THSD1: variants seen among roughly 807,000 people sequenced by gnomAD.
THSD1 encodes the protein thrombospondin type-1 domain-containing protein 1.
In THSD1, 34 loss-of-function variants were observed where a neutral mutation model predicts 46.3. The observed-to-expected ratio is 0.74, with a 90% CI of 0.56 to 0.98. The LOEUF (loss-of-function observed/expected upper bound fraction) is 0.98. Among genes scored for constraint, THSD1 ranks in the 50% least tolerant of loss-of-function variants. THSD1 has a pLI of 0.00. For synonymous variants in THSD1, 407 were observed against 416.5 expected, an observed-to-expected ratio of 0.98 and a Z score of 0.28; for missense variants, 1,023 against 1,058.3, an observed-to-expected ratio of 0.97 and a Z score of 0.46.
In THSD1 at chr13:52,383,932, G is replaced by A. The variant is rs776149146; in HGVS notation, c.1180+2096C>T. ...AGAATTAAGATGCCGGCTGGGCGTAGTGGCTCTCGCCTGTAATCCCAGCAC... is the reference window on the plus strand; with the variant it reads ...AGAATTAAGATGCCGGCTGGGCGTAATGGCTCTCGCCTGTAATCCCAGCAC... On this transcript the variant is annotated intron_variant, in intron 4 of 4. Transcript: ENST00000258613. 2.4e-4 allele frequency: 43 copies of A among 176,546 alleles called. 1 individual carries two copies. Among genetic ancestry groups the A allele is most frequent in the South Asian group, 1.2e-4 (1 of 8,046 alleles). 10.9% of individuals were successfully genotyped at this position (176,546 alleles called of 1,614,324 possible).
At position 52,378,542 on chromosome 13, in the gene THSD1, C is replaced by G. The variant is rs905582972; in HGVS notation, c.1428G>C (p.Gly476=). The G allele has an allele frequency of 6.8e-6, 11 of 1,614,058 alleles. No individual in the cohort carries two copies. The highest frequency in any genetic ancestry group is 1.1e-5 in the South Asian group (1 of 91,082). ...GCCCGTCTCCCCCATCCGAGAAGCT[C>G]CCGCGCTGCTCGCTCAGCTCGCAGA... is the stretch of plus-strand genomic sequence containing the variant. The part of the protein sequence containing the change: ...ENICELSEQR[G]SFSDGGDGPT... The change falls in exon 5 of 5, where the codon GGG becomes GGC. Residue 476 remains glycine, a synonymous_variant. Coordinates refer to ENST00000258613, the MANE Select transcript of THSD1 (RefSeq NM_018676.4).
Position 52,405,281 on chromosome 13 carries a change from C to T in THSD1, c.-82+750G>A, listed in dbSNP as rs974882085. Among the ~76,000 whole-genome samples the T allele has an allele frequency of 2.6e-5, 4 of 152,184 alleles. No individual in the cohort carries two copies. The East Asian group carries it at 7.7e-4, about 29-fold the overall frequency. On this transcript the variant is annotated intron_variant, in intron 1 of 4. Transcript: ENST00000258613. ...TTGCTGAAACCAGCTAGGACAAACGCTTCTAAATCTCCCTTCATAGCTGCA... is the reference window on the plus strand; with the variant it reads ...TTGCTGAAACCAGCTAGGACAAACGTTTCTAAATCTCCCTTCATAGCTGCA...
Position 52,377,844 on chromosome 13 carries a change from A to C in THSD1, c.2126T>G (p.Leu709Arg), listed in dbSNP as rs1422226445. The C allele has an allele frequency of 6.2e-7, 1 of 1,614,122 alleles. No individual in the cohort carries two copies. The change falls in exon 5 of 5, where the codon CTG (leucine) becomes CGG (arginine). Residue 709 changes from leucine (L) to arginine (R), a missense_variant. Transcript: ENST00000258613. Reference protein sequence around the residue: ...SRGAHLFPEKLEHFQEASGTR... With the variant: ...SRGAHLFPEKREHFQEASGTR... Reference sequence around the variant, plus strand: ...TCCACTTGCCTCTTGGAAATGCTCCAGTTTTTCAGGAAACAGGTGGGCACC... The same window carrying C: ...TCCACTTGCCTCTTGGAAATGCTCCCGTTTTTCAGGAAACAGGTGGGCACC...
Position 52,378,621 on chromosome 13 carries a change from C to T in THSD1, c.1349G>A (p.Arg450Gln), listed in dbSNP as rs1371156565. 6.2e-7 allele frequency: 1 copy of T among 1,614,050 alleles called. No homozygotes were observed. The highest frequency in any genetic ancestry group is 8.5e-7 in the Non-Finnish European group (1 of 1,180,012). ...GRPAKCSTPARHNSIHSPSFR... is the reference protein window; with the variant it reads ...GRPAKCSTPAQHNSIHSPSFR... ...GCTGGGGGAGTGGATGGAGTTGTGT[C>T]GAGCAGGTGTGCTGCACTTGGCTGG... The change falls in exon 5 of 5, where the codon CGA (arginine) becomes CAA (glutamine). Residue 450 changes from arginine (R) to glutamine (Q), a missense_variant. By Grantham distance (43) the Arg-to-Gln change is conservative. Transcript: ENST00000258613.
intron 2 of THSD1, 100 bp from the exon 3 acceptor site, chr13:52,398,294 A>C (rs2137745852): frequency 6.7e-7 from 1 of 1,497,982 alleles, no homozygotes; most frequent in Non-Finnish European, 8.9e-7. Context: ...TTTTTGAGAC[A>C]GGGTCTCATG....
intron 2 of THSD1, among the ~76,000 whole-genome samples, chr13:52,398,742 C>T (rs1340844137): frequency 1.3e-5 from 2 of 152,062 alleles, no homozygotes; most frequent in African/African-American, 2.4e-5. Context: ...GATATATCTG[C>T]AATGAAAATC....
rs1957821306 is a variant in THSD1, at chr13:52,397,578, G to A, written c.675C>T (p.Asp225=). ...TGGGTCCTGTGGAGGTAATGACTGAGTCTCGCCCAAGCAGCTTCAGCACCA... is the reference window on the plus strand; with the variant it reads ...TGGGTCCTGTGGAGGTAATGACTGAATCTCGCCCAAGCAGCTTCAGCACCA... ...VTVVLKLLGR[D]SVITSTGPID... Residue 225 remains aspartate, a synonymous_variant, in exon 3 of 5, where the codon GAC becomes GAT. Transcript: ENST00000258613. 1.2e-6 allele frequency: 2 copies of A among 1,614,078 alleles called. No individual in the cohort carries two copies. Among genetic ancestry groups the A allele is most frequent in the Non-Finnish European group, 1.7e-6 (2 of 1,180,052 alleles).
intron 3 of THSD1, among the ~76,000 whole-genome samples, chr13:52,392,547 A>G (rs944067786): frequency 2.6e-5 from 4 of 152,242 alleles, no homozygotes; most frequent in Non-Finnish European, 5.9e-5. Context: ...TGTCTTGTTT[A>G]GACATCCATA....
chr13:52,403,158 C>T (rs756918321), intron 1 of THSD1, among the ~76,000 whole-genome samples: 4 of 152,148 alleles, frequency 2.6e-5, no homozygotes, highest in Non-Finnish European at 5.9e-5. Context: ...TTTCCTTGCA[C>T]AATTGGTGTG....
Position 52,378,174 on chromosome 13 carries a change from G to A in THSD1, c.1796C>T (p.Ala599Val), listed in dbSNP as rs1337201283. 6.2e-7 allele frequency: 1 copy of A among 1,614,062 alleles called. No homozygotes were observed. The highest frequency in any genetic ancestry group is 8.5e-7 in the Non-Finnish European group (1 of 1,180,040). The change falls in exon 5 of 5, where the codon GCC becomes GTC. Residue 599 changes from alanine (A) to valine (V), a missense_variant. By Grantham distance (64) the Ala-to-Val change is moderately conservative. Transcript: ENST00000258613. ...CAGCCTGGAGGGAGGCCTTTCCCCG[G>A]CACTGACCGCGGGCTGCTCCGGAAA... ...SPFPEQPAVS[A>V]GERPPSRLDL...
chr13:52,388,416 C>A (rs964720214), intron 3 of THSD1, among the ~76,000 whole-genome samples: 1 of 152,114 alleles, frequency 6.6e-6, no homozygotes, highest in African/African-American at 2.4e-5. Flanking sequence ...TCATTTTTCT[C>A]ATTTTTAAAT....
At chr13:52,387,601 A>G (rs1319700254) in intron 3 of THSD1, among the ~76,000 whole-genome samples, 2 of 152,222 alleles carry the variant, frequency 1.3e-5, no homozygotes, top group Non-Finnish European at 2.9e-5. Context: ...AGATGCATAA[A>G]CAGATGGAAA....
rs1307697983 is a variant in THSD1, at chr13:52,393,929, G to A, written c.1021+3303C>T. Among the ~76,000 whole-genome samples the A allele has an allele frequency of 2.0e-5, 3 of 152,300 alleles. No individual in the cohort carries two copies. The East Asian group carries it at 5.8e-4, about 29-fold the overall frequency. On this transcript the variant is annotated intron_variant, in intron 3 of 4. Coordinates refer to ENST00000258613, the MANE Select transcript of THSD1 (RefSeq NM_018676.4). ...TCTCAGACCAACAGAGTCAGAGATG[G>A]TCTGCCACACCAAGAGCCAGGGTCT...
chr13:52,401,113 T>G (rs566879770), intron 2 of THSD1, among the ~76,000 whole-genome samples: 1 of 151,676 alleles, frequency 6.6e-6, no homozygotes, highest in African/African-American at 2.4e-5. Context: ...TAGCTGAGAT[T>G]ACAAGTGCGT....
chr13:52,404,982 AAT>A (rs1957895744), intron 1 of THSD1, among the ~76,000 whole-genome samples: 1 of 152,164 alleles, frequency 6.6e-6, no homozygotes, highest in African/African-American at 2.4e-5. Flanking sequence ...CATTAGTCAT[AAT>A]ATGTCTCTTT....
At chr13:52,383,465 T>C (rs546921653) in intron 4 of THSD1, among the ~76,000 whole-genome samples, 1 of 152,360 alleles carries the variant, frequency 6.6e-6, no homozygotes, top group East Asian at 1.9e-4. Context: ...AACAGTTGAA[T>C]GATGAAAGGC....
rs147705090 is a variant in THSD1, at chr13:52,379,804, T to C, written c.1181-1015A>G. On this transcript the variant is annotated intron_variant, in intron 4 of 4. Coordinates refer to ENST00000258613, the MANE Select transcript of THSD1 (RefSeq NM_018676.4). ...TTTCAAGATAAAAGTCAGTGTTCAC[T>C]TACGATAATGTAAACATGGTACCTA... Among the ~76,000 whole-genome samples, 495 of 152,274 alleles carry C rather than the reference T, an allele frequency of 3.3e-3. 3 individuals carry two copies. Among genetic ancestry groups the C allele is most frequent in the African/African-American group, 0.011 (446 of 41,566 alleles).
chr13:52,378,919 A>AT, intron 4 of THSD1, 130 bp from the exon 5 acceptor site: 3 of 1,064,206 alleles, frequency 2.8e-6, no homozygotes. Context: ...CTGGAGTGCA[A>AT]TGGTGTGATC....
At chr13:52,378,932 G>C (rs1446919505) in intron 4 of THSD1, 143 bp from the exon 5 acceptor site, 7 of 937,024 alleles carry the variant, frequency 7.5e-6, no homozygotes, top group Non-Finnish European at 1.1e-5. Context: ...GTGTGATCTC[G>C]GCTCATTGCA....
Sources: gnomAD v4.1 joint callset for allele counts (sites outside exome capture counted in the v4.1 genomes callset) on GRCh38, gnomAD v4.1.1 for gene constraint, MANE v1.5 for transcripts, NCBI Gene and HGNC (gene_info 2026-07-23, HGNC 2026-07-21) for gene names.